COLEC10: variants seen among roughly 807,000 people sequenced by gnomAD.
COLEC10 encodes collectin subfamily member 10.
A neutral mutation model predicts 28.4 loss-of-function variants in COLEC10; 22 were observed. The ratio of observed to expected loss-of-function variants is 0.78; its 90% CI spans 0.55 to 1.11. The LOEUF (loss-of-function observed/expected upper bound fraction) is 1.11, where lower values mean the gene tolerates loss of function less well. Among genes scored for constraint, COLEC10 ranks in the 50% least tolerant of loss-of-function variants. The pLI is 0.00. For synonymous variants in COLEC10, 125 were observed against 116.1 expected (o/e 1.08, Z -0.49); for missense variants, 361 against 344.1 (o/e 1.05, Z -0.39).
chr8:119,051,379 T>C (rs1234549254), intron 2 of COLEC10, among the ~76,000 whole-genome samples: 2 of 152,242 alleles, frequency 1.3e-5, no homozygotes, highest in East Asian at 1.9e-4. Flanking sequence ...GCAAATCTTT[T>C]AACCTTCCTG....
At chr8:119,052,987 AG>A (rs1215725469) in intron 2 of COLEC10, among the ~76,000 whole-genome samples, 1 of 152,134 alleles carries the variant, frequency 6.6e-6, no homozygotes, top group African/African-American at 2.4e-5. Context: ...AAAAACGTGG[AG>A]GAGGAAAGTC....
the COLEC10 span, among the ~76,000 whole-genome samples, chr8:118,987,101 CTG>C: frequency 4.0e-4 from 61 of 152,180 alleles, no homozygotes; most frequent in African/African-American, 1.4e-3. Context: ...TGTCTCGTCT[CTG>C]AGAGACACTT....
chr8:119,068,149 G>C (rs1238190126), intron 1 of COLEC10: 1 of 152,152 alleles, frequency 6.6e-6, no homozygotes, highest in East Asian at 1.9e-4. Flanking sequence ...ACTGCAGATT[G>C]GTGCTCCCTT....
chr8:119,012,559 G>A (rs1813919176), intron 2 of COLEC10, among the ~76,000 whole-genome samples: 1 of 150,322 alleles, frequency 6.7e-6, no homozygotes, highest in African/African-American at 2.5e-5. Context: ...ATTTCTTCCT[G>A]ATATATTTGA....
intron 1 of COLEC10, among the ~76,000 whole-genome samples, chr8:119,069,658 A>ATATATATATG (rs1205061377): frequency 2.4e-5 from 3 of 122,776 alleles, no homozygotes; most frequent in Non-Finnish European, 5.2e-5. Context: ...ATATATATAT[A>ATATATATATG]TATGTAAACT....
chr8:119,044,888 G>T (rs1305174747), intron 2 of COLEC10, among the ~76,000 whole-genome samples: 1 of 151,506 alleles, frequency 6.6e-6, no homozygotes, highest in African/African-American at 2.4e-5. Flanking sequence ...AGATGCAAGT[G>T]CAGTTCTTAG....
chr8:118,979,493 A>T, the COLEC10 span, among the ~76,000 whole-genome samples: 1 of 152,114 alleles, frequency 6.6e-6, no homozygotes, highest in African/African-American at 2.4e-5. Flanking sequence ...TCCACCTAGA[A>T]TTAGCTGCTA....
At position 119,097,605 on chromosome 8, in the gene COLEC10, T is replaced by A. The variant is rs960150304; in HGVS notation, c.293-4743T>A. Among the ~76,000 whole-genome samples, 5 of 152,252 alleles carry A rather than the reference T, an allele frequency of 3.3e-5. No homozygotes were observed. In the South Asian group the frequency reaches 6.2e-4, roughly 19 times the overall value. On this transcript the variant is annotated intron_variant, in intron 3 of 5. Transcript: ENST00000332843. ...CCATTTTTAATTTTGTATCTTTTTT[T>A]AAAGAAGTCCCTTCAAACTGTATAA...
chr8:118,958,372 C>T, the COLEC10 span, among the ~76,000 whole-genome samples: 2 of 152,204 alleles, frequency 1.3e-5, no homozygotes, highest in African/African-American at 2.4e-5. Flanking sequence ...ACTGCTTCTG[C>T]TGGGAGGAGT....
At chr8:118,980,448 C>T in the COLEC10 span, among the ~76,000 whole-genome samples, 15 of 152,138 alleles carry the variant, frequency 9.9e-5, no homozygotes, top group African/African-American at 2.9e-4. Flanking sequence ...CGGTCTCTTC[C>T]TCCCAAAGGG....
At chr8:118,990,429 C>T in the COLEC10 span, among the ~76,000 whole-genome samples, 2 of 152,038 alleles carry the variant, frequency 1.3e-5, no homozygotes, top group Non-Finnish European at 2.9e-5. Context: ...AAACTAAAAG[C>T]CACTAAATAG....
chr8:118,979,749 G>A, the COLEC10 span, among the ~76,000 whole-genome samples: 5 of 152,224 alleles, frequency 3.3e-5, no homozygotes, highest in African/African-American at 1.2e-4. Context: ...CAGACAGACA[G>A]AAATGAATTT....
intron 3 of COLEC10, 143 bp from the exon 4 acceptor site, chr8:119,102,205 C>G: frequency 8.3e-6 from 3 of 361,034 alleles, no homozygotes; most frequent in Non-Finnish European, 9.6e-6. Flanking sequence ...TGTAAATTCA[C>G]TCCTTCCTCC....
intron 2 of COLEC10, among the ~76,000 whole-genome samples, chr8:119,022,689 C>A (rs1490022740): frequency 6.6e-6 from 1 of 151,946 alleles, no homozygotes; most frequent in African/African-American, 2.4e-5. Flanking sequence ...GTTGCAGGAG[C>A]CTCCTAACCT....
At chr8:119,032,551 A>T (rs186578533) in intron 2 of COLEC10, among the ~76,000 whole-genome samples, 487 of 152,296 alleles carry the variant, frequency 3.2e-3, no homozygotes, top group African/African-American at 0.011. Context: ...CCATCTCTTT[A>T]CAAGAGGAGG....
At chr8:119,026,195 T>G (rs1417694417) in intron 2 of COLEC10, among the ~76,000 whole-genome samples, 2 of 152,182 alleles carry the variant, frequency 1.3e-5, no homozygotes, top group Non-Finnish European at 2.9e-5. Flanking sequence ...TTATGAATAA[T>G]TTTTGCAGTA....
At chr8:118,984,471 C>T in the COLEC10 span, among the ~76,000 whole-genome samples, 3 of 151,966 alleles carry the variant, frequency 2.0e-5, no homozygotes, top group South Asian at 2.1e-4. Flanking sequence ...GCCCATGTAC[C>T]CCTGAACCTA....
At chr8:118,969,188 G>A in the COLEC10 span, among the ~76,000 whole-genome samples, 8 of 152,084 alleles carry the variant, frequency 5.3e-5, no homozygotes, top group Middle Eastern at 3.4e-3. Context: ...CTCTGGAAGC[G>A]AATAAAGGAG....
chr8:119,032,017 G>T (rs79004640), intron 2 of COLEC10, among the ~76,000 whole-genome samples: 6,684 of 152,254 alleles, frequency 0.044, 213 homozygotes, highest in East Asian at 0.16. Flanking sequence ...GTAAATACCA[G>T]TATTCTCCCC....
Sources: allele counts gnomAD v4.1 joint callset (sites outside exome capture counted in the v4.1 genomes callset), GRCh38; gene constraint gnomAD v4.1.1; transcripts MANE v1.5; gene names NCBI Gene and HGNC (gene_info 2026-07-23, HGNC 2026-07-21).